Variants in ZNF385D observed in about 807,000 individuals in gnomAD.
ZNF385D encodes the protein zinc finger protein 659.
A neutral mutation model predicts 35.8 loss-of-function variants in ZNF385D; 15 were observed. The ratio of observed to expected loss-of-function variants is 0.42; its 90% CI spans 0.28 to 0.64. ZNF385D has a LOEUF of 0.64. Ranked by LOEUF, ZNF385D falls within the 30% of genes least tolerant of loss-of-function variation. The pLI is 0.23. For missense variants in ZNF385D, 474 were observed against 494.6 expected (o/e 0.96, Z 0.39); for synonymous variants, 212 against 186.8 (o/e 1.13, Z -1.10).
intron 3 of ZNF385D, among the ~76,000 whole-genome samples, chr3:21,913,520 A>G (rs1308853361): frequency 7.9e-5 from 12 of 152,114 alleles, no homozygotes. Flanking sequence ...TTGGCATTTA[A>G]TATTCCAATA....
At chr3:21,702,064 C>A (rs1306567701) in intron 1 of ZNF385D, among the ~76,000 whole-genome samples, 1 of 152,194 alleles carries the variant, frequency 6.6e-6, no homozygotes, top group African/African-American at 2.4e-5. Context: ...CACAGCTCCA[C>A]TAGGCAGTGC....
intron 2 of ZNF385D, among the ~76,000 whole-genome samples, chr3:22,175,408 G>A (rs951265765): frequency 1.3e-5 from 2 of 151,860 alleles, no homozygotes; most frequent in African/African-American, 4.8e-5. Flanking sequence ...ATTATCATAA[G>A]TGGATTTTAA....
At chr3:21,812,003 C>CA (rs1468878910) in intron 3 of ZNF385D, among the ~76,000 whole-genome samples, 1 of 151,578 alleles carries the variant, frequency 6.6e-6, no homozygotes, top group Non-Finnish European at 1.5e-5. Context: ...ACATTTTTGC[C>CA]AAAAAAATCA....
rs1559364109 is a variant in ZNF385D, at chr3:22,094,402, A to ATATATATATC, written c.325+74414_325+74415insGATATATATA. ...TTATTGTTGATATATATATATATAT[A>ATATATATATC]TATATATAAAGGCATTTGTGTCATA... On this transcript the variant is annotated intron_variant, in intron 3 of 5. Transcript: ENST00000494108. Among the ~76,000 whole-genome samples the ATATATATATC allele has an allele frequency of 5.0e-4, 40 of 80,700 alleles. 1 individual carries two copies. Among genetic ancestry groups the ATATATATATC allele is most frequent in the African/African-American group, 1.4e-3 (35 of 24,656 alleles). 52.9% of individuals were successfully genotyped at this position (80,700 alleles called of 152,430 possible). A position where few individuals can be genotyped will look rare whatever the true frequency, so the allele number is the denominator to read the frequency against.
intron 3 of ZNF385D, among the ~76,000 whole-genome samples, chr3:21,876,622 C>T (rs1697987159): frequency 6.6e-6 from 1 of 151,744 alleles, no homozygotes; most frequent in Non-Finnish European, 1.5e-5. Flanking sequence ...ATATGAAGAA[C>T]AGAACAGCTT....
intron 3 of ZNF385D, among the ~76,000 whole-genome samples, chr3:21,771,400 A>G (rs2071073072): frequency 6.6e-6 from 1 of 151,976 alleles, no homozygotes; most frequent in African/African-American, 2.4e-5. Context: ...GAGTTACCAC[A>G]TTATTAGATT....
intron 2 of ZNF385D, among the ~76,000 whole-genome samples, chr3:21,643,281 G>A (rs1209732652): frequency 6.6e-6 from 1 of 152,134 alleles, no homozygotes; most frequent in Non-Finnish European, 1.5e-5. Context: ...TTGGGGTGAA[G>A]AAGAGAGGAA....
chr3:21,999,417 T>G (rs1177581452), intron 3 of ZNF385D, among the ~76,000 whole-genome samples: 1 of 152,136 alleles, frequency 6.6e-6, no homozygotes, highest in African/African-American at 2.4e-5. Context: ...TATTGCTTGT[T>G]TGATTTAAAT....
chr3:21,733,641 T>C (rs2069115522), intron 1 of ZNF385D, among the ~76,000 whole-genome samples: 1 of 152,214 alleles, frequency 6.6e-6, no homozygotes, highest in East Asian at 1.9e-4. Flanking sequence ...TCTGGGTTTG[T>C]GTCCTGATTA....
chr3:21,788,082 G>C (rs1457020644), intron 3 of ZNF385D, among the ~76,000 whole-genome samples: 1 of 149,706 alleles, frequency 6.7e-6, no homozygotes, highest in East Asian at 2.0e-4. Flanking sequence ...AATGAGCTAA[G>C]AAGAGCTCTA....
chr3:22,239,058 T>G (rs1253178587), intron 2 of ZNF385D, among the ~76,000 whole-genome samples: 1 of 150,916 alleles, frequency 6.6e-6, no homozygotes, highest in African/African-American at 2.5e-5. Context: ...CCAGACTAAT[T>G]TTAATTTTTT....
intron 1 of ZNF385D, among the ~76,000 whole-genome samples, chr3:21,697,453 G>A (rs188501822): frequency 5.3e-5 from 8 of 152,190 alleles, no homozygotes; most frequent in Admixed American, 3.3e-4. Context: ...TTAGTAAAAC[G>A]AATAAAAGTG....
At chr3:22,038,547 C>T (rs1044150255) in intron 3 of ZNF385D, among the ~76,000 whole-genome samples, 1 of 152,134 alleles carries the variant, frequency 6.6e-6, no homozygotes, top group Non-Finnish European at 1.5e-5. Flanking sequence ...TCATTATAAT[C>T]TACAGGCTGA....
intron 3 of ZNF385D, among the ~76,000 whole-genome samples, chr3:22,041,970 A>G (rs1559327014): frequency 6.6e-6 from 1 of 152,184 alleles, no homozygotes; most frequent in South Asian, 2.1e-4. Flanking sequence ...TAAGACCAGT[A>G]TAAACTTTTA....
At chr3:22,044,526 T>A (rs1359072119) in intron 3 of ZNF385D, among the ~76,000 whole-genome samples, 2 of 152,134 alleles carry the variant, frequency 1.3e-5, no homozygotes, top group Non-Finnish European at 2.9e-5. Flanking sequence ...AAGAGCAATT[T>A]TTAAATAAAA....
chr3:22,131,510 T>C (rs962260572), intron 3 of ZNF385D, among the ~76,000 whole-genome samples: 2 of 152,116 alleles, frequency 1.3e-5, no homozygotes, highest in African/African-American at 2.4e-5. Flanking sequence ...TATTTTCATA[T>C]TGATGAGAAA....
chr3:22,350,008 T>G (rs562066578), intron 2 of ZNF385D, among the ~76,000 whole-genome samples: 2 of 152,270 alleles, frequency 1.3e-5, no homozygotes, highest in African/African-American at 2.4e-5. Context: ...TAAGTAAACA[T>G]GAATATAGAG....
chr3:22,203,039 C>A (rs1016120232), intron 2 of ZNF385D, among the ~76,000 whole-genome samples: 11 of 152,032 alleles, frequency 7.2e-5, no homozygotes, highest in Non-Finnish European at 1.5e-4. Flanking sequence ...AGACATGCAA[C>A]CTAGGGAGAC....
At chr3:21,933,961 C>A (rs1575951149) in intron 3 of ZNF385D, among the ~76,000 whole-genome samples, 1 of 151,726 alleles carries the variant, frequency 6.6e-6, no homozygotes, top group Non-Finnish European at 1.5e-5. Context: ...TGCATTGTTG[C>A]CTCTCAATTA....
Sources: gnomAD v4.1 joint callset for allele counts (sites outside exome capture counted in the v4.1 genomes callset) on GRCh38, gnomAD v4.1.1 for gene constraint, MANE v1.5 for transcripts, NCBI Gene and HGNC (gene_info 2026-07-23, HGNC 2026-07-21) for gene names.